RANBP2: variants seen among roughly 807,000 people sequenced by gnomAD.
The protein encoded by RANBP2 is E3 SUMO-protein ligase RanBP2.
A neutral mutation model predicts 303.6 loss-of-function variants in RANBP2; 57 were observed. The observed-to-expected ratio is 0.19, with a 90% confidence interval of 0.15 to 0.23. RANBP2 has a LOEUF of 0.23. Ranked by LOEUF, RANBP2 falls within the 10% of genes least tolerant of loss-of-function variation. RANBP2 has a pLI of 1.00. For missense variants in RANBP2, 3,138 were observed against 3,780.8 expected (o/e 0.83, Z 4.46); for synonymous variants, 1,167 against 1,301.5 (o/e 0.90, Z 2.23).
the RANBP2 span, among the ~76,000 whole-genome samples, chr2:109,480,635 A>G: frequency 6.6e-6 from 1 of 152,044 alleles, no homozygotes; most frequent in Non-Finnish European, 1.5e-5. Context: ...TGGGAGGAGG[A>G]GGAGGAGGAT....
the RANBP2 span, among the ~76,000 whole-genome samples, chr2:109,631,269 C>T: frequency 6.6e-6 from 1 of 152,086 alleles, no homozygotes; most frequent in Non-Finnish European, 1.5e-5. Flanking sequence ...GGACTTGGAC[C>T]TACAACTGCG....
At chr2:109,046,010 T>TA in the RANBP2 span, among the ~76,000 whole-genome samples, 1 of 151,988 alleles carries the variant, frequency 6.6e-6, no homozygotes, top group Non-Finnish European at 1.5e-5. Context: ...ATTTATATTT[T>TA]AAAAAAATCC....
chr2:109,533,144 AAGGGAGGAAGGGAGGAAAG>A, the RANBP2 span, among the ~76,000 whole-genome samples: 1 of 152,158 alleles, frequency 6.6e-6, no homozygotes, highest in African/African-American at 2.4e-5. Context: ...CTAAAACAGA[AAGGGAGGAAGGGAGGAAAG>A]AGGGAGGGAG....
the RANBP2 span, among the ~76,000 whole-genome samples, chr2:109,566,520 A>G: frequency 1.3e-5 from 2 of 152,172 alleles, no homozygotes; most frequent in Admixed American, 6.5e-5. Context: ...TACAAAATGT[A>G]TATGTAACTA....
chr2:108,814,017 GT>G, the RANBP2 span, among the ~76,000 whole-genome samples: 3 of 152,108 alleles, frequency 2.0e-5, no homozygotes, highest in African/African-American at 7.2e-5. Flanking sequence ...GCTTTTTCTA[GT>G]TTTTGTCTGC....
the RANBP2 span, among the ~76,000 whole-genome samples, chr2:109,441,916 G>C: frequency 6.6e-6 from 1 of 151,970 alleles, no homozygotes; most frequent in Non-Finnish European, 1.5e-5. Flanking sequence ...AAATATAGCT[G>C]TCAATCTAGT....
chr2:109,774,505 T>TATATATATATATTTTATATATA, the RANBP2 span, among the ~76,000 whole-genome samples: 4 of 32,082 alleles, frequency 1.2e-4, no homozygotes, highest in Non-Finnish European at 4.6e-5. Flanking sequence ...CAAACATATA[T>TATATATATATATTTTATATATA]ATATATATAA....
At chr2:109,580,349 C>CAAAAAAAAAAAAAAAACAAAAAAAAA in the RANBP2 span, among the ~76,000 whole-genome samples, 1 of 135,922 alleles carries the variant, frequency 7.4e-6, no homozygotes. Context: ...CCATAAAATG[C>CAAAAAAAAAAAAAAAACAAAAAAAAA]AAAAAAAAAA....
At chr2:109,645,546 C>G in the RANBP2 span, among the ~76,000 whole-genome samples, 9 of 152,300 alleles carry the variant, frequency 5.9e-5, no homozygotes, top group Admixed American at 5.9e-4. Context: ...CTAAACAAAC[C>G]AAGCCTGGCT....
At chr2:109,229,126 G>A in the RANBP2 span, among the ~76,000 whole-genome samples, 24 of 152,024 alleles carry the variant, frequency 1.6e-4, no homozygotes, top group African/African-American at 5.8e-4. Flanking sequence ...TCCTAGCCCC[G>A]CTATCACTCA....
At chr2:109,324,021 ATCTT>A in the RANBP2 span, among the ~76,000 whole-genome samples, 3 of 152,076 alleles carry the variant, frequency 2.0e-5, no homozygotes, top group Admixed American at 1.3e-4. Context: ...GTCCCTGTGG[ATCTT>A]TCTTTCTGGA....
At chr2:109,363,063 TGATA>T in the RANBP2 span, among the ~76,000 whole-genome samples, 2 of 152,204 alleles carry the variant, frequency 1.3e-5, no homozygotes, top group African/African-American at 4.8e-5. Context: ...AAGTGATGTG[TGATA>T]GAGTCAGGTT....
chr2:108,819,661 A>G, the RANBP2 span, among the ~76,000 whole-genome samples: 1 of 152,226 alleles, frequency 6.6e-6, no homozygotes, highest in Non-Finnish European at 1.5e-5. Context: ...GATGGTCCCA[A>G]AACCTCTAAC....
Position 108,784,659 on chromosome 2 carries a change from A to G in RANBP2, c.*758A>G, listed in dbSNP as rs1400546603. On this transcript the variant is annotated 3_prime_UTR_variant, in exon 29 of 29. Coordinates refer to ENST00000283195, the MANE Select transcript of RANBP2 (RefSeq NM_006267.5). ...AGAAATTGAATTTTTCCTTGTAGTT[A>G]TTGTGATAAAGTATGAATATTTTTA... 4 of 152,622 alleles carry G rather than the reference A, an allele frequency of 2.6e-5. No homozygotes were observed. The highest frequency in any genetic ancestry group is 6.5e-5 in the Admixed American group (1 of 15,270). The allele number at this position is 152,622 out of a possible 1,614,324, so 9.5% of individuals were successfully genotyped here.
chr2:108,793,750 T>C, the RANBP2 span, among the ~76,000 whole-genome samples: 6 of 151,848 alleles, frequency 4.0e-5, no homozygotes, highest in Non-Finnish European at 4.4e-5. Context: ...GCACCCGCCA[T>C]CACGCCCGGC....
the RANBP2 span, among the ~76,000 whole-genome samples, chr2:109,067,725 A>G: frequency 6.6e-6 from 1 of 152,168 alleles, no homozygotes; most frequent in African/African-American, 2.4e-5. Flanking sequence ...TGGCCGCGCA[A>G]TCCTTCAGGT....
At chr2:109,688,734 G>C in the RANBP2 span, among the ~76,000 whole-genome samples, 1 of 132,570 alleles carries the variant, frequency 7.5e-6, no homozygotes. Flanking sequence ...AGCCGAGATT[G>C]TGCCACTGCA....
the RANBP2 span, among the ~76,000 whole-genome samples, chr2:108,852,683 T>C: frequency 6.6e-6 from 1 of 152,152 alleles, no homozygotes; most frequent in Non-Finnish European, 1.5e-5. Flanking sequence ...TTCTCATTTA[T>C]AAGTGGGAGC....
At chr2:109,595,564 G>T in the RANBP2 span, among the ~76,000 whole-genome samples, 1 of 152,134 alleles carries the variant, frequency 6.6e-6, no homozygotes, top group African/African-American at 2.4e-5. Context: ...AGAAATTAGA[G>T]ATCACTGAAG....
Sources: gnomAD v4.1 joint callset for allele counts (sites outside exome capture counted in the v4.1 genomes callset) on GRCh38, gnomAD v4.1.1 for gene constraint, MANE v1.5 for transcripts, NCBI Gene and HGNC (gene_info 2026-07-23, HGNC 2026-07-21) for gene names.